KCNMA1: variants seen among roughly 807,000 people sequenced by gnomAD.
The protein encoded by KCNMA1 is Calcium-activated potassium channel subunit alpha-1.
In KCNMA1, 29 loss-of-function variants were observed where a neutral mutation model predicts 140.0. The ratio of observed to expected loss-of-function variants is 0.21; its 90% CI spans 0.15 to 0.28. The LOEUF is 0.28. Ranked by LOEUF, KCNMA1 falls within the 10% of genes least tolerant of loss-of-function variation. The pLI, the probability that KCNMA1 is intolerant of heterozygous loss-of-function variation, is 1.00. For missense variants in KCNMA1, 880 were observed against 1,602.2 expected, an observed-to-expected ratio of 0.55 and a Z score of 7.70; for synonymous variants, 612 against 611.9, an observed-to-expected ratio of 1.00 and a Z score of 0.00.
intron 1 of KCNMA1, among the ~76,000 whole-genome samples, chr10:77,537,053 A>G (rs1009925996): frequency 6.6e-6 from 1 of 152,120 alleles, no homozygotes; most frequent in Admixed American, 6.5e-5. Flanking sequence ...TTATTATTTT[A>G]TGTTCATATT....
intron 5 of KCNMA1, among the ~76,000 whole-genome samples, chr10:77,148,853 A>C (rs2098364874): frequency 6.6e-6 from 1 of 152,246 alleles, no homozygotes; most frequent in Admixed American, 6.5e-5. Context: ...CCTCTGATGT[A>C]GCTGACATCT....
At chr10:77,253,679 C>T (rs994323002) in intron 2 of KCNMA1, among the ~76,000 whole-genome samples, 2 of 152,164 alleles carry the variant, frequency 1.3e-5, no homozygotes, top group African/African-American at 4.8e-5. Flanking sequence ...AGCTCCCTGG[C>T]CCTGAAGACT....
chr10:77,324,854 G>A (rs1443060994), intron 2 of KCNMA1, among the ~76,000 whole-genome samples: 2 of 152,014 alleles, frequency 1.3e-5, no homozygotes, highest in East Asian at 1.9e-4. Flanking sequence ...AAACCTCCAA[G>A]TTATCTGGGT....
intron 23 of KCNMA1, among the ~76,000 whole-genome samples, chr10:76,924,493 A>C (rs1300352459): frequency 6.6e-6 from 1 of 152,202 alleles, no homozygotes; most frequent in Non-Finnish European, 1.5e-5. Context: ...TATGTAATGA[A>C]AAAAATTTTT....
intron 25 of KCNMA1, chr10:76,905,072 T>A (rs974399722): frequency 6.6e-6 from 1 of 152,208 alleles, no homozygotes; most frequent in Non-Finnish European, 1.5e-5. Context: ...CGATTTTATA[T>A]AAAATCTTAT....
chr10:77,080,107 G>T (rs763487729), intron 12 of KCNMA1, among the ~76,000 whole-genome samples: 4 of 152,178 alleles, frequency 2.6e-5, no homozygotes, highest in Non-Finnish European at 5.9e-5. Flanking sequence ...TGTCTGGGTG[G>T]ACAGTGAGAA....
intron 1 of KCNMA1, among the ~76,000 whole-genome samples, chr10:77,454,056 T>C (rs1349364569): frequency 6.6e-6 from 1 of 152,196 alleles, no homozygotes; most frequent in Non-Finnish European, 1.5e-5. Flanking sequence ...CCATACAACT[T>C]GATCATGTCC....
intron 1 of KCNMA1, among the ~76,000 whole-genome samples, chr10:77,417,505 G>A (rs2096769025): frequency 1.3e-5 from 2 of 152,170 alleles, no homozygotes. Context: ...CCTAACTGCT[G>A]TTCCTCAGGG....
At position 77,533,302 on chromosome 10, in the gene KCNMA1, C is replaced by A. The variant is rs1279929069; in HGVS notation, c.378+103963G>T. On this transcript the variant is annotated intron_variant, in intron 1 of 27. Coordinates refer to ENST00000286628, the MANE Select transcript of KCNMA1 (RefSeq NM_001161352.2). ...GAGCAGAGTCTACTGGGCAGACTAG[C>A]CAACACACAGAAGCGGCTGCATGAC... Among the ~76,000 whole-genome samples, 3 of 152,226 alleles carry A rather than the reference C, an allele frequency of 2.0e-5. No homozygotes were observed. The East Asian group carries it at 5.8e-4, about 29-fold the overall frequency.
chr10:77,375,106 C>A (rs1759828596), intron 2 of KCNMA1, among the ~76,000 whole-genome samples: 1 of 152,118 alleles, frequency 6.6e-6, no homozygotes, highest in Non-Finnish European at 1.5e-5. Context: ...GCCCCAAGGG[C>A]AGAGAAAGTG....
intron 3 of KCNMA1, among the ~76,000 whole-genome samples, chr10:77,238,891 A>G (rs965528915): frequency 1.3e-5 from 2 of 152,206 alleles, no homozygotes; most frequent in African/African-American, 4.8e-5. Flanking sequence ...TTGACCCACA[A>G]AAGAACCACC....
chr10:76,992,175 G>C (rs145835398), intron 19 of KCNMA1, among the ~76,000 whole-genome samples: 191 of 152,204 alleles, frequency 1.3e-3, no homozygotes, highest in African/African-American at 4.4e-3. Flanking sequence ...TGTTTCCCTT[G>C]AATATGAGAG....
intron 2 of KCNMA1, among the ~76,000 whole-genome samples, chr10:77,320,879 G>T (rs758173425): frequency 5.3e-5 from 8 of 152,118 alleles, no homozygotes; most frequent in Non-Finnish European, 1.2e-4. Flanking sequence ...TTTTATCCCT[G>T]GAACCTACGT....
At chr10:77,519,723 C>T (rs1411231664) in intron 1 of KCNMA1, among the ~76,000 whole-genome samples, 3 of 152,214 alleles carry the variant, frequency 2.0e-5, no homozygotes, top group African/African-American at 7.2e-5. Flanking sequence ...ATTACCTCAA[C>T]AATTAACACA....
chr10:77,279,515 AC>A (rs1156675412), intron 2 of KCNMA1, among the ~76,000 whole-genome samples: 26 of 152,240 alleles, frequency 1.7e-4, no homozygotes, highest in African/African-American at 6.3e-4. Context: ...TACAAATAAC[AC>A]TTATTTTCCT....
chr10:77,381,311 T>C (rs867528025), intron 2 of KCNMA1, among the ~76,000 whole-genome samples: 4 of 151,998 alleles, frequency 2.6e-5, no homozygotes, highest in African/African-American at 9.7e-5. Flanking sequence ...ATAAGGTTTA[T>C]AAAGAAAAAA....
chr10:77,354,492 A>C (rs1457220485), intron 2 of KCNMA1: 1 of 152,204 alleles, frequency 6.6e-6, no homozygotes, highest in African/African-American at 2.4e-5. Flanking sequence ...GAAAGAAAAG[A>C]AGCTGTTTTG....
At chr10:77,065,666 G>A (rs2095909856) in intron 14 of KCNMA1, among the ~76,000 whole-genome samples, 1 of 152,060 alleles carries the variant, frequency 6.6e-6, no homozygotes, top group South Asian at 2.1e-4. Context: ...AAAACAGGGG[G>A]TTCTGGGATA....
At chr10:77,062,118 T>C (rs2095779031) in intron 14 of KCNMA1, among the ~76,000 whole-genome samples, 1 of 152,216 alleles carries the variant, frequency 6.6e-6, no homozygotes, top group African/African-American at 2.4e-5. Context: ...TTACTGTATG[T>C]TAATTTAAAA....
Sources: gnomAD v4.1 joint callset for allele counts (sites outside exome capture counted in the v4.1 genomes callset) on GRCh38, gnomAD v4.1.1 for gene constraint, MANE v1.5 for transcripts, NCBI Gene and HGNC (gene_info 2026-07-23, HGNC 2026-07-21) for gene names.